Variants in PLXDC2 observed in about 807,000 individuals in gnomAD.
PLXDC2 encodes the protein plexin domain-containing protein 2.
PLXDC2 carries 40 observed loss-of-function variants against 68.9 expected under a neutral mutation model. The ratio of observed to expected loss-of-function variants is 0.58; its 90% confidence interval spans 0.45 to 0.76. PLXDC2 has a LOEUF of 0.76. PLXDC2 is among the 30% of genes least tolerant of loss of function. The pLI, the probability that PLXDC2 is intolerant of heterozygous loss-of-function variation, is 0.00. For synonymous variants in PLXDC2, 243 were observed against 234.2 expected (o/e 1.04, Z -0.34); for missense variants, 644 against 661.9 (o/e 0.97, Z 0.30).
At chr10:19,987,139 G>C (rs1283790210) in intron 1 of PLXDC2, among the ~76,000 whole-genome samples, 2 of 152,146 alleles carry the variant, frequency 1.3e-5, no homozygotes, top group Admixed American at 1.3e-4. Flanking sequence ...GACAAGTGAG[G>C]TTAATCCCAT....
intron 9 of PLXDC2, among the ~76,000 whole-genome samples, chr10:20,207,246 T>C (rs1235545580): frequency 2.0e-5 from 3 of 152,222 alleles, no homozygotes. Flanking sequence ...TTAATTGATT[T>C]ATATTTTCAG....
intron 3 of PLXDC2, among the ~76,000 whole-genome samples, chr10:20,065,336 A>G (rs910199351): frequency 1.3e-5 from 2 of 152,156 alleles, no homozygotes; most frequent in Non-Finnish European, 2.9e-5. Context: ...TGTGCCCTAG[A>G]ACTCATGTTC....
chr10:19,981,298 T>C (rs1834545551), intron 1 of PLXDC2, among the ~76,000 whole-genome samples: 1 of 152,246 alleles, frequency 6.6e-6, no homozygotes, highest in Non-Finnish European at 1.5e-5. Flanking sequence ...TCTCAATCTC[T>C]GTTTCACATC....
chr10:19,904,122 A>C (rs1233029154), intron 1 of PLXDC2, among the ~76,000 whole-genome samples: 1 of 152,054 alleles, frequency 6.6e-6, no homozygotes, highest in Non-Finnish European at 1.5e-5. Flanking sequence ...GTCTTGGAGA[A>C]TGTTCCATGT....
chr10:19,832,753 A>G (rs953265110), intron 1 of PLXDC2, among the ~76,000 whole-genome samples: 36 of 152,192 alleles, frequency 2.4e-4, no homozygotes, highest in African/African-American at 8.4e-4. Flanking sequence ...GGACAAACCA[A>G]TACTTGTGGT....
At position 19,890,103 on chromosome 10, in the gene PLXDC2, GC is replaced by G. The variant is rs146345867; in HGVS notation, c.112+72913del. ...CGCTCTGTGACAAATTTGATAGCCTGCTGTGAGTGAAGGACAGGTAGTCTAC... is the reference window on the plus strand; with the variant it reads ...CGCTCTGTGACAAATTTGATAGCCTGTGTGAGTGAAGGACAGGTAGTCTAC... On this transcript the variant is annotated intron_variant, in intron 1 of 13. Transcript: ENST00000377252. Among the ~76,000 whole-genome samples the G allele has an allele frequency of 4.3e-3, 649 of 152,288 alleles. 3 individuals carry two copies. The highest frequency in any genetic ancestry group is 0.015 in the African/African-American group (624 of 41,554).
chr10:19,985,582 C>T (rs144309055), intron 1 of PLXDC2, among the ~76,000 whole-genome samples: 1 of 152,268 alleles, frequency 6.6e-6, no homozygotes, highest in East Asian at 1.9e-4. Context: ...TAATTAAGTA[C>T]TTACTTTTCT....
chr10:20,036,515 A>G (rs1835582056), intron 2 of PLXDC2, among the ~76,000 whole-genome samples: 1 of 152,198 alleles, frequency 6.6e-6, no homozygotes, highest in African/African-American at 2.4e-5. Flanking sequence ...GGCAGTATGT[A>G]AACAGTACAC....
intron 2 of PLXDC2, among the ~76,000 whole-genome samples, chr10:20,015,619 A>G (rs955575128): frequency 5.9e-5 from 9 of 152,098 alleles, no homozygotes; most frequent in African/African-American, 9.7e-5. Context: ...TAAACTTTAT[A>G]TGCTCTCCAG....
At chr10:20,144,231 G>A (rs1834044022) in intron 5 of PLXDC2, among the ~76,000 whole-genome samples, 1 of 151,986 alleles carries the variant, frequency 6.6e-6, no homozygotes, top group African/African-American at 2.4e-5. Context: ...ACAATTTTAT[G>A]CCTGCAAATA....
At chr10:19,893,314 A>G (rs1352217269) in intron 1 of PLXDC2, among the ~76,000 whole-genome samples, 2 of 152,172 alleles carry the variant, frequency 1.3e-5, no homozygotes, top group East Asian at 3.9e-4. Flanking sequence ...TGTTGTAGGA[A>G]GCATTAAATA....
At chr10:20,051,837 G>A (rs776257728) in intron 3 of PLXDC2, among the ~76,000 whole-genome samples, 13 of 151,984 alleles carry the variant, frequency 8.6e-5, no homozygotes, top group Non-Finnish European at 1.5e-4. Flanking sequence ...TGTTTCTCAA[G>A]AGGGCCAGAT....
chr10:20,086,362 AT>A (rs143204606), intron 4 of PLXDC2, among the ~76,000 whole-genome samples: 30 of 147,506 alleles, frequency 2.0e-4, no homozygotes, highest in East Asian at 4.0e-4. Context: ...TTATTTTTTA[AT>A]TTTTTTTTTG....
intron 2 of PLXDC2, among the ~76,000 whole-genome samples, chr10:20,035,557 A>G (rs1464289730): frequency 1.3e-5 from 2 of 151,904 alleles, no homozygotes; most frequent in Admixed American, 1.3e-4. Context: ...TTAGCTGGGC[A>G]TGGTGGTGCG....
intron 2 of PLXDC2, among the ~76,000 whole-genome samples, chr10:20,015,090 G>A (rs1004755169): frequency 1.7e-4 from 26 of 152,144 alleles, no homozygotes; most frequent in African/African-American, 5.3e-4. Context: ...ATCAGAATCT[G>A]GGACAAATAT....
At chr10:20,047,469 C>G (rs1054267869) in intron 3 of PLXDC2, among the ~76,000 whole-genome samples, 3 of 151,804 alleles carry the variant, frequency 2.0e-5, no homozygotes, top group Non-Finnish European at 4.4e-5. Flanking sequence ...ATATATAGAC[C>G]AAATTATGAT....
At chr10:19,826,968 G>A (rs1450228674) in intron 1 of PLXDC2, among the ~76,000 whole-genome samples, 2 of 152,156 alleles carry the variant, frequency 1.3e-5, no homozygotes, top group African/African-American at 2.4e-5. Flanking sequence ...ATCTACTTGT[G>A]TTGGTCTTAA....
chr10:19,912,821 G>T (rs1833298474), intron 1 of PLXDC2, among the ~76,000 whole-genome samples: 2 of 152,020 alleles, frequency 1.3e-5, no homozygotes, highest in Admixed American at 1.3e-4. Flanking sequence ...GCTAGACAGT[G>T]GATTTTTCTT....
intron 9 of PLXDC2, among the ~76,000 whole-genome samples, chr10:20,178,636 C>T (rs11011843): frequency 0.042 from 6,432 of 152,044 alleles, 447 homozygotes; most frequent in African/African-American, 0.15. Flanking sequence ...TTTGCTGTAA[C>T]GATAAAGACA....
Sources: gnomAD v4.1 joint callset for allele counts (sites outside exome capture counted in the v4.1 genomes callset) on GRCh38, gnomAD v4.1.1 for gene constraint, MANE v1.5 for transcripts, NCBI Gene and HGNC (gene_info 2026-07-23, HGNC 2026-07-21) for gene names.